The following IL6R variants were observed in gnomAD, a reference collection of about 807,000 sequenced individuals.
IL6R encodes interleukin 6 receptor.
Under a neutral mutation model 48.3 loss-of-function variants are expected in IL6R, and 38 were observed. That is an observed-to-expected ratio of 0.79 (90% confidence interval 0.61 to 1.03). The LOEUF (loss-of-function observed/expected upper bound fraction) is 1.03. IL6R is among the 50% of genes least tolerant of loss of function. The pLI is 0.00. For missense variants in IL6R, 534 were observed against 618.3 expected (o/e 0.86, Z 1.45); for synonymous variants, 264 against 256.2 (o/e 1.03, Z -0.29).
chr1:154,422,960 A>G (rs1273388566), intron 1 of IL6R, among the ~76,000 whole-genome samples: 1 of 152,090 alleles, frequency 6.6e-6, no homozygotes, highest in East Asian at 1.9e-4. Context: ...AAAAACAGAC[A>G]GATGGGAGGA....
At chr1:154,451,009 G>T (rs4845626) in intron 8 of IL6R, among the ~76,000 whole-genome samples, 34,793 of 152,228 alleles carry the variant, frequency 0.23, 4,771 homozygotes, top group African/African-American at 0.39. Context: ...TTCTCAAGGA[G>T]GCTACAGTCC....
At chr1:154,413,303 C>T (rs377342802) in intron 1 of IL6R, among the ~76,000 whole-genome samples, 6 of 152,338 alleles carry the variant, frequency 3.9e-5, no homozygotes, top group South Asian at 4.1e-4. Context: ...TCCGGCCACC[C>T]GGTTACCTTT....
intron 4 of IL6R, 97 bp downstream of exon 4, chr1:154,434,797 G>T: frequency 7.4e-7 from 1 of 1,346,162 alleles, no homozygotes; most frequent in Non-Finnish European, 1.0e-6. Context: ...GGTGGTTGAG[G>T]GGTTTGGTGA....
At chr1:154,452,560 C>T (rs183074751) in intron 8 of IL6R, among the ~76,000 whole-genome samples, 343 of 152,284 alleles carry the variant, frequency 2.3e-3, no homozygotes, top group Non-Finnish European at 4.0e-3. Flanking sequence ...TGGCCGGGCG[C>T]GGTGGCTCAC....
chr1:154,451,071 A>T (rs748727374), intron 8 of IL6R, among the ~76,000 whole-genome samples: 2 of 152,232 alleles, frequency 1.3e-5, no homozygotes, highest in Non-Finnish European at 2.9e-5. Flanking sequence ...AGCATGTGAG[A>T]TGGGCCAAAA....
At chr1:154,432,124 G>A (rs1230362008) in intron 3 of IL6R, among the ~76,000 whole-genome samples, 2 of 152,110 alleles carry the variant, frequency 1.3e-5, no homozygotes, top group African/African-American at 2.4e-5. Context: ...TTTTTGTTCT[G>A]TCCTCTATGA....
chr1:154,465,023 C>A, intron 9 of IL6R, 111 bp from the exon 10 acceptor site: 1 of 1,291,514 alleles, frequency 7.7e-7, no homozygotes, highest in Non-Finnish European at 1.1e-6. Flanking sequence ...TGAGCCGAAA[C>A]CTGGGCGCGC....
At chr1:154,438,220 T>C (rs560528683) in intron 6 of IL6R, among the ~76,000 whole-genome samples, 73 of 151,908 alleles carry the variant, frequency 4.8e-4, no homozygotes, top group African/African-American at 1.5e-3. Context: ...CTTTTTTTTT[T>C]CCCTGATAAA....
At chr1:154,435,635 T>C (rs927851259) in intron 5 of IL6R, among the ~76,000 whole-genome samples, 2 of 152,222 alleles carry the variant, frequency 1.3e-5, no homozygotes, top group Non-Finnish European at 2.9e-5. Flanking sequence ...TGGTATATCA[T>C]TTATTAAATG....
intron 1 of IL6R, among the ~76,000 whole-genome samples, chr1:154,422,367 T>A (rs932129453): frequency 6.6e-6 from 1 of 152,230 alleles, no homozygotes; most frequent in African/African-American, 2.4e-5. Context: ...CCCTTTAGAA[T>A]AATTGATCCC....
intron 2 of IL6R, 142 bp downstream of exon 2, chr1:154,429,586 C>A: frequency 1.0e-6 from 1 of 970,002 alleles, no homozygotes. Context: ...CAATGTCTGC[C>A]ATCCAGATGC....
intron 1 of IL6R, among the ~76,000 whole-genome samples, chr1:154,425,833 A>C (rs1688932497): frequency 6.6e-6 from 1 of 150,560 alleles, no homozygotes; most frequent in East Asian, 2.0e-4. Context: ...TAATCTCAGC[A>C]CTTTGGGAGG....
chr1:154,455,494 C>A (rs1285588914), intron 9 of IL6R, among the ~76,000 whole-genome samples: 2 of 146,072 alleles, frequency 1.4e-5, no homozygotes, highest in Non-Finnish European at 3.0e-5. Context: ...TGCTCTGTCG[C>A]CCAGGCTGGA....
rs539369199 is a variant in IL6R at position 154,455,741 on chromosome 1, C to T, written c.1160+1160C>T. ...TGCTGGGATTACAGGCGTGAGCCAC[C>T]GCGCCCAGCCTGTGGAGTTTTAAGA... On this transcript the variant is annotated intron_variant, in intron 9 of 9. Coordinates refer to ENST00000368485, the MANE Select transcript of IL6R (RefSeq NM_000565.4). 2.4e-3 allele frequency among the ~76,000 whole-genome samples: 363 copies of T among 151,010 alleles called. 2 individuals are homozygous for T. Among genetic ancestry groups the T allele is most frequent in the African/African-American group, 8.2e-3 (339 of 41,316 alleles).
At chr1:154,448,261 C>T in intron 7 of IL6R, 90 bp downstream of exon 7, 1 of 979,334 alleles carries the variant, frequency 1.0e-6, no homozygotes. Flanking sequence ...GGTTTAAATC[C>T]AGTTCTGTCA....
At chr1:154,455,841 GA>G (rs1428927824) in intron 9 of IL6R, among the ~76,000 whole-genome samples, 1 of 151,802 alleles carries the variant, frequency 6.6e-6, no homozygotes, top group Non-Finnish European at 1.5e-5. Flanking sequence ...TGGATCACCT[GA>G]GGTCAGGAGT....
chr1:154,449,833 G>A (rs1690481798), intron 7 of IL6R, 78 bp from the exon 8 acceptor site: 2 of 871,182 alleles, frequency 2.3e-6, no homozygotes, highest in Non-Finnish European at 4.0e-6. Context: ...GCTCTGAGGA[G>A]GAGGTAACTC....
intron 9 of IL6R, among the ~76,000 whole-genome samples, chr1:154,461,271 A>T (rs1186308547): frequency 6.6e-6 from 1 of 152,226 alleles, no homozygotes; most frequent in African/African-American, 2.4e-5. Flanking sequence ...ACAGCACCAC[A>T]GGGAGGGGTT....
At chr1:154,412,538 G>A (rs760584265) in intron 1 of IL6R, among the ~76,000 whole-genome samples, 26 of 152,150 alleles carry the variant, frequency 1.7e-4, no homozygotes, top group Non-Finnish European at 2.6e-4. Context: ...GATTACAGAC[G>A]TGAGCTACCG....
Sources: gnomAD v4.1 joint callset for allele counts (sites outside exome capture counted in the v4.1 genomes callset) on GRCh38, gnomAD v4.1.1 for gene constraint, MANE v1.5 for transcripts, NCBI Gene and HGNC (gene_info 2026-07-23, HGNC 2026-07-21) for gene names.